The following DDX60L variants were observed in gnomAD, a reference collection of about 807,000 sequenced individuals.
The protein encoded by DDX60L is probable ATP-dependent RNA helicase DDX60-like.
A neutral mutation model predicts 211.6 loss-of-function variants in DDX60L; 191 were observed. That is an observed-to-expected ratio of 0.90 (90% CI 0.80 to 1.02). The LOEUF (loss-of-function observed/expected upper bound fraction) is 1.02, where lower values mean the gene tolerates loss of function less well. DDX60L is among the 50% of genes least tolerant of loss of function. The pLI, the probability that DDX60L is intolerant of heterozygous loss-of-function variation, is 0.00. For missense variants in DDX60L, 2,007 were observed against 1,984.1 expected (o/e 1.01, Z -0.22); for synonymous variants, 706 against 694.1 (o/e 1.02, Z -0.27).
rs373055063 is a variant in DDX60L, at chr4:168,457,910, C to G, written c.705G>C (p.Trp235Cys). Reference sequence around the variant, plus strand: ...TTAATACCTCTTCCATCATATCATTCCATTTCAAATGTTCAAAATGAGTTG... The same window carrying G: ...TTAATACCTCTTCCATCATATCATTGCATTTCAAATGTTCAAAATGAGTTG... The part of the protein sequence containing the change: ...VLATHFEHLK[W>C]NDMMEEAYQT... Residue 235 changes from tryptophan (W) to cysteine (C), a missense_variant, in exon 6 of 38, where the codon TGG (tryptophan) becomes TGC (cysteine). Physicochemically the swap from Trp to Cys is radical, Grantham distance 215 (BLOSUM62 -2). Transcript: ENST00000682922. The G allele has an allele frequency of 1.8e-4, 275 of 1,546,392 alleles. No homozygotes were observed. Among genetic ancestry groups the G allele is most frequent in the Non-Finnish European group, 2.3e-4 (261 of 1,143,772 alleles).
intron 25 of DDX60L, 76 bp downstream of exon 25, chr4:168,403,906 T>G (rs557920295): frequency 1.1e-6 from 1 of 875,802 alleles, no homozygotes; most frequent in African/African-American, 1.7e-5. Flanking sequence ...TATATATAAA[T>G]GAGACTAATT....
chr4:168,470,082 A>G (rs1016104328), intron 4 of DDX60L: 1 of 152,238 alleles, frequency 6.6e-6, no homozygotes, highest in Admixed American at 6.5e-5. Flanking sequence ...AAAGTAGGCA[A>G]CATCATTAGC....
rs187141986 is a variant in DDX60L, at chr4:168,358,965, G to A, written c.4992-689C>T. Among the ~76,000 whole-genome samples, 7 of 152,118 alleles carry A rather than the reference G, an allele frequency of 4.6e-5. No individual in the cohort carries two copies. In the East Asian group the frequency reaches 1.4e-3, roughly 29 times the overall value. The stretch of plus-strand genomic sequence containing the variant: ...AGCCATATGGACTTCCTAATATAGG[G>A]ACAATTATTTTTAAAAACCCACAGT... On this transcript the variant is annotated intron_variant, in intron 37 of 37. Coordinates refer to ENST00000682922, the MANE Select transcript of DDX60L (RefSeq NM_001012967.3).
chr4:168,449,615 T>A (rs965829049), intron 8 of DDX60L, among the ~76,000 whole-genome samples: 104 of 17,646 alleles, frequency 5.9e-3, no homozygotes, highest in Admixed American at 7.9e-3. Context: ...TAGAGTATAA[T>A]AAAAAAAAAA....
At chr4:168,458,695 G>A (rs947618671) in intron 5 of DDX60L, among the ~76,000 whole-genome samples, 10 of 152,096 alleles carry the variant, frequency 6.6e-5, no homozygotes, top group African/African-American at 2.2e-4. Context: ...TAACTAATGC[G>A]TGCAGGGTTT....
At chr4:168,442,350 C>G (rs13107609) in intron 9 of DDX60L, among the ~76,000 whole-genome samples, 44,068 of 151,940 alleles carry the variant, frequency 0.29, 8,082 homozygotes, top group East Asian at 0.63. Context: ...CTCAGAGGGT[C>G]CTACGCCCAC....
At chr4:168,375,241 TA>T (rs1209384428) in intron 34 of DDX60L, 135 bp downstream of exon 34, 2 of 847,102 alleles carry the variant, frequency 2.4e-6, no homozygotes, top group Non-Finnish European at 3.6e-6. Context: ...TTTCTGGGGA[TA>T]AAACACTTGG....
At chr4:168,419,897 T>C (rs936016775) in intron 18 of DDX60L, among the ~76,000 whole-genome samples, 8 of 152,044 alleles carry the variant, frequency 5.3e-5, no homozygotes, top group Admixed American at 4.6e-4. Flanking sequence ...CAGATCACAA[T>C]GTAAGTATAA....
chr4:168,403,881 G>A, intron 25 of DDX60L, 101 bp downstream of exon 25: 1 of 569,662 alleles, frequency 1.8e-6, no homozygotes, highest in Non-Finnish European at 2.7e-6. Context: ...TAAAAGTAGG[G>A]TTACTTCTAA....
chr4:168,420,909 T>C (rs1010303961), intron 17 of DDX60L, among the ~76,000 whole-genome samples: 2 of 152,154 alleles, frequency 1.3e-5, no homozygotes, highest in African/African-American at 4.8e-5. Context: ...GGCCTTCTCT[T>C]AAAATTTTCA....
chr4:168,359,744 A>G (rs1738781163), intron 37 of DDX60L, among the ~76,000 whole-genome samples: 1 of 152,190 alleles, frequency 6.6e-6, no homozygotes, highest in South Asian at 2.1e-4. Flanking sequence ...TTCATTGCCT[A>G]ACAAATAAGA....
Position 168,403,998 on chromosome 4 carries a change from G to A in DDX60L, c.3322C>T (p.Pro1108Ser), listed in dbSNP as rs1288737015. 2 of 1,461,442 alleles carry A rather than the reference G, an allele frequency of 1.4e-6. No individual in the cohort carries two copies. Among genetic ancestry groups the A allele is most frequent in the South Asian group, 1.5e-5 (1 of 67,660 alleles). 90.5% of individuals were successfully genotyped at this position (1,461,442 alleles called of 1,614,324 possible). A position where few individuals can be genotyped will look rare whatever the true frequency, so the allele number is the denominator to read the frequency against. The change falls in exon 25 of 38, where the codon CCT (proline) becomes TCT (serine). Residue 1108 changes from proline (P) to serine (S), a missense_variant. Pro to Ser is a moderately conservative substitution (Grantham distance 74). Transcript: ENST00000682922. ...VEKLRQMDKL[P>S]AIFFLFKNDD... is the part of the protein sequence containing the mutation. Reference sequence around the variant, plus strand: ...GTTACTTACAAAAAAAATATTGCAGGCAACTTATCCATTTGTCTTAACTTT... The same window carrying A: ...GTTACTTACAAAAAAAATATTGCAGACAACTTATCCATTTGTCTTAACTTT...
chr4:168,401,232 T>C (rs768904833), intron 25 of DDX60L, among the ~76,000 whole-genome samples: 2 of 152,230 alleles, frequency 1.3e-5, no homozygotes, highest in African/African-American at 2.4e-5. Flanking sequence ...CTATTCTCTC[T>C]GAAGCCAGCT....
intron 37 of DDX60L, among the ~76,000 whole-genome samples, chr4:168,359,941 T>TG (rs1439369401): frequency 2.6e-5 from 4 of 152,336 alleles, no homozygotes; most frequent in Middle Eastern, 3.4e-3. Flanking sequence ...GCTTAAAATC[T>TG]GACTACCCTA....
intron 29 of DDX60L, among the ~76,000 whole-genome samples, chr4:168,389,717 C>A (rs114409101): frequency 3.4e-3 from 517 of 152,116 alleles, no homozygotes; most frequent in African/African-American, 0.011. Flanking sequence ...TTTTTTAAAA[C>A]TTTTAAGTAT....
At chr4:168,422,969 TTGTGTGTG>T (rs5863932) in intron 15 of DDX60L, among the ~76,000 whole-genome samples, 3 of 132,964 alleles carry the variant, frequency 2.3e-5, no homozygotes, top group Non-Finnish European at 4.7e-5. Flanking sequence ...GTGGCTAATA[TTGTGTGTG>T]TGTGTGTGTG....
At chr4:168,449,803 A>ATT (rs1409297741) in intron 8 of DDX60L, among the ~76,000 whole-genome samples, 4 of 62,368 alleles carry the variant, frequency 6.4e-5, no homozygotes, top group African/African-American at 2.2e-4. Flanking sequence ...TGTGGGTAAA[A>ATT]ATAAAAAAAA....
In DDX60L at chr4:168,433,041, C is replaced by G. The variant is rs1561063565; in HGVS notation, c.1369G>C (p.Asp457His). The part of the protein sequence containing the change: ...TSAVIDEFVG[D>H]MMKDLPILKS... ...AGAATAGGCAAATCCTTCATCATATCTCCAACAAACTCATCAATTACAGCA... is the reference window on the plus strand; with the variant it reads ...AGAATAGGCAAATCCTTCATCATATGTCCAACAAACTCATCAATTACAGCA... Residue 457 changes from aspartate to histidine, a missense_variant, in exon 11 of 38, where the codon GAT becomes CAT. Asp to His is a moderately conservative substitution (Grantham distance 81, BLOSUM62 -1). Transcript: ENST00000682922. 2 of 1,608,990 alleles carry G rather than the reference C, an allele frequency of 1.2e-6. No individual in the cohort carries two copies. Among genetic ancestry groups the G allele is most frequent in the Non-Finnish European group, 1.7e-6 (2 of 1,177,330 alleles).
chr4:168,372,065 A>G (rs1741130790), intron 35 of DDX60L, among the ~76,000 whole-genome samples: 1 of 152,186 alleles, frequency 6.6e-6, no homozygotes, highest in African/African-American at 2.4e-5. Flanking sequence ...CCATCCAACT[A>G]CAATACTGTT....
Sources: gnomAD v4.1 joint callset for allele counts (sites outside exome capture counted in the v4.1 genomes callset) on GRCh38, gnomAD v4.1.1 for gene constraint, MANE v1.5 for transcripts, NCBI Gene and HGNC (gene_info 2026-07-23, HGNC 2026-07-21) for gene names.